The following DMRT1 variants were observed in gnomAD, a reference collection of about 807,000 sequenced individuals.
DMRT1 encodes doublesex- and mab-3-related transcription factor 1.
DMRT1 carries 7 observed loss-of-function variants against 32.3 expected under a neutral mutation model. The observed-to-expected ratio is 0.22, with a 90% CI of 0.12 to 0.41. The LOEUF (loss-of-function observed/expected upper bound fraction) is 0.41, where lower values mean the gene tolerates loss of function less well. DMRT1 is among the 10% of genes least tolerant of loss of function. The pLI is 1.00. For missense variants in DMRT1, 625 were observed against 500.5 expected, an observed-to-expected ratio of 1.25 and a Z score of -2.37; for synonymous variants, 278 against 206.1, an observed-to-expected ratio of 1.35 and a Z score of -2.99.
At chr9:943,493 A>C (rs1819144628) in intron 4 of DMRT1, among the ~76,000 whole-genome samples, 1 of 152,252 alleles carries the variant, frequency 6.6e-6, no homozygotes, top group Non-Finnish European at 1.5e-5. Flanking sequence ...CAGGCATGTC[A>C]CTGGAACTCA....
intron 2 of DMRT1, among the ~76,000 whole-genome samples, chr9:864,737 C>T (rs7040046): frequency 0.13 from 19,910 of 149,040 alleles, 1,770 homozygotes; most frequent in African/African-American, 0.25. Context: ...CCTAACCTTG[C>T]GATCCGCCCA....
chr9:859,027 C>A (rs1815535510), intron 2 of DMRT1, among the ~76,000 whole-genome samples: 1 of 151,966 alleles, frequency 6.6e-6, no homozygotes, highest in Admixed American at 6.6e-5. Context: ...CGATTATTTC[C>A]CATTTACCCC....
At chr9:874,211 A>T (rs917486382) in intron 2 of DMRT1, among the ~76,000 whole-genome samples, 3 of 152,206 alleles carry the variant, frequency 2.0e-5, no homozygotes, top group African/African-American at 7.2e-5. Context: ...ATTTTTTCCC[A>T]GTCTTGAGAT....
chr9:844,749 C>G (rs1420797776), intron 1 of DMRT1, among the ~76,000 whole-genome samples: 1 of 130,150 alleles, frequency 7.7e-6, no homozygotes, highest in African/African-American at 2.9e-5. Flanking sequence ...AGACAGGAGT[C>G]TCGCTCTGTC....
chr9:868,933 C>T (rs1816110891), intron 2 of DMRT1, among the ~76,000 whole-genome samples: 1 of 152,122 alleles, frequency 6.6e-6, no homozygotes, highest in Non-Finnish European at 1.5e-5. Context: ...TCACCTGAGC[C>T]TGGGGAGGTT....
chr9:878,638 G>T (rs1477529823), intron 2 of DMRT1, among the ~76,000 whole-genome samples: 1 of 152,114 alleles, frequency 6.6e-6, no homozygotes, highest in African/African-American at 2.4e-5. Flanking sequence ...CAGCCCTCCT[G>T]CAGTACCCTA....
chr9:953,246 G>T (rs763665156), intron 4 of DMRT1, among the ~76,000 whole-genome samples: 87 of 151,958 alleles, frequency 5.7e-4, no homozygotes, highest in Non-Finnish European at 3.2e-4. Flanking sequence ...TTTTTCTAAG[G>T]TAGTAGCTTT....
intron 3 of DMRT1, among the ~76,000 whole-genome samples, chr9:911,127 G>A (rs575892312): frequency 6.6e-6 from 1 of 152,142 alleles, no homozygotes; most frequent in South Asian, 2.1e-4. Context: ...TCAGGCCTTG[G>A]GTTGGTTAAT....
chr9:907,333 C>A (rs1450066695), intron 3 of DMRT1, among the ~76,000 whole-genome samples: 1 of 152,044 alleles, frequency 6.6e-6, no homozygotes, highest in Admixed American at 6.6e-5. Flanking sequence ...TTGGGAAGTC[C>A]GGGTCTGTAT....
chr9:968,087 C>T lies in DMRT1; in HGVS notation c.1070C>T (p.Ala357Val). 3 of 1,614,138 alleles carry T rather than the reference C, an allele frequency of 1.9e-6. No homozygotes were observed. The highest frequency in any genetic ancestry group is 1.7e-6 in the Non-Finnish European group (2 of 1,180,036). The stretch of plus-strand genomic sequence containing the variant: ...AAGGCAGTGCTTGAATGTGAGCCTG[C>T]GTCGGAGCCCAGCAGCTTCACAGTC... ...STKAVLECEP[A>V]SEPSSFTVTP... is the part of the protein sequence containing the mutation. Residue 357 changes from alanine (A) to valine (V), a missense_variant, in exon 5 of 5, where the codon GCG (alanine) becomes GTG (valine). By Grantham distance (64) the Ala-to-Val change is moderately conservative. Around this residue, in one of 3 missense-constraint regions of DMRT1, gnomAD observed 416 missense variants for 321.6 expected, o/e 1.29. Transcript: ENST00000382276.
chr9:893,762 A>G (rs1817241605), intron 2 of DMRT1, 150 bp from the exon 3 acceptor site: 1 of 709,282 alleles, frequency 1.4e-6, no homozygotes, highest in South Asian at 1.7e-5. Flanking sequence ...ACTCTCCCTT[A>G]TTTTGGCTAT....
intron 2 of DMRT1, among the ~76,000 whole-genome samples, chr9:865,484 T>C (rs1564207456): frequency 1.3e-5 from 2 of 152,124 alleles, no homozygotes; most frequent in Non-Finnish European, 2.9e-5. Context: ...ATATAAGGTA[T>C]TTATGAAAAA....
At chr9:947,979 G>C (rs1251923650) in intron 4 of DMRT1, among the ~76,000 whole-genome samples, 1 of 152,224 alleles carries the variant, frequency 6.6e-6, no homozygotes, top group Non-Finnish European at 1.5e-5. Flanking sequence ...CCTTGCTGCT[G>C]CTGACTGGGA....
chr9:873,332 T>C (rs916846996), intron 2 of DMRT1, among the ~76,000 whole-genome samples: 5 of 150,874 alleles, frequency 3.3e-5, no homozygotes, highest in Admixed American at 1.3e-4. Context: ...TGAGATGGAG[T>C]TTTGCGCTTG....
intron 4 of DMRT1, among the ~76,000 whole-genome samples, chr9:952,835 A>T (rs888157199): frequency 2.0e-5 from 3 of 152,224 alleles, no homozygotes; most frequent in African/African-American, 7.2e-5. Flanking sequence ...TTCAACAGTA[A>T]CATTAAGGGT....
At chr9:958,481 C>G (rs1052598441) in intron 4 of DMRT1, among the ~76,000 whole-genome samples, 1 of 152,194 alleles carries the variant, frequency 6.6e-6, no homozygotes, top group East Asian at 1.9e-4. Context: ...ATTCTCCTGC[C>G]TCAGCCTCCC....
In DMRT1 at chr9:852,706, G is replaced by T. The variant is rs1815207116; in HGVS notation, c.538+5563G>T. 1.3e-5 allele frequency among the ~76,000 whole-genome samples: 2 copies of T among 152,132 alleles called. 1 individual carries two copies. The highest frequency in any genetic ancestry group is 4.1e-4 in the South Asian group (2 of 4,834). ...GGGCCCTCCCTTTTGGAGCACCGGG[G>T]ACTTCCATCCACACTCACATTCACC... On this transcript the variant is annotated intron_variant, in intron 2 of 4. Coordinates refer to ENST00000382276, the MANE Select transcript of DMRT1 (RefSeq NM_021951.3).
chr9:932,548 G>A (rs1818759215), intron 4 of DMRT1, among the ~76,000 whole-genome samples: 1 of 152,170 alleles, frequency 6.6e-6, no homozygotes, highest in African/African-American at 2.4e-5. Context: ...ACTAAGTAAT[G>A]AGAGGTTTTT....
Position 841,926 on chromosome 9 carries a change from G to A in DMRT1, c.88G>A (p.Gly30Ser). The change falls in exon 1 of 5, where the codon GGC becomes AGC. Residue 30 changes from glycine to serine, a missense_variant. Physicochemically the swap from Gly to Ser is moderately conservative, Grantham distance 56. Around this residue, in one of 3 missense-constraint regions of DMRT1, gnomAD observed 201 missense variants for 152.0 expected, o/e 1.32. Transcript: ENST00000382276. ...GGTACCGCCGCAGGGCAGAGCCGGG[G>A]GCTTTGGCAAAGCGTCTGGGGCGCT... ...PGVPPQGRAG[G>S]FGKASGALVG... 2 of 1,606,838 alleles carry A rather than the reference G, an allele frequency of 1.2e-6. No homozygotes were observed. Among genetic ancestry groups the A allele is most frequent in the Non-Finnish European group, 8.5e-7 (1 of 1,176,774 alleles).
Sources: allele counts gnomAD v4.1 joint callset (sites outside exome capture counted in the v4.1 genomes callset), GRCh38; gene constraint gnomAD v4.1.1; regional missense constraint gnomAD v4.1.1; transcripts MANE v1.5; gene names NCBI Gene and HGNC (gene_info 2026-07-23, HGNC 2026-07-21).